The following GRM7 variants were observed in gnomAD, a reference collection of about 807,000 sequenced individuals.
GRM7 encodes the protein glutamate metabotropic receptor 7.
GRM7 carries 35 observed loss-of-function variants against 84.5 expected under a neutral mutation model. The observed-to-expected ratio is 0.41, with a 90% CI of 0.32 to 0.55. The LOEUF (loss-of-function observed/expected upper bound fraction) is 0.55, where lower values mean the gene tolerates loss of function less well. Among genes scored for constraint, GRM7 ranks in the 20% least tolerant of loss-of-function variants. The pLI, the probability that GRM7 is intolerant of heterozygous loss-of-function variation, is 0.19. For synonymous variants in GRM7, 487 were observed against 455.1 expected, an observed-to-expected ratio of 1.07 and a Z score of -0.89; for missense variants, 1,003 against 1,194.6, an observed-to-expected ratio of 0.84 and a Z score of 2.36.
chr3:7,582,874 G>T (rs1294781733), intron 8 of GRM7, among the ~76,000 whole-genome samples: 1 of 152,080 alleles, frequency 6.6e-6, no homozygotes, highest in East Asian at 1.9e-4. Flanking sequence ...CAACAGGTCT[G>T]GAATGCGGCA....
At position 7,383,855 on chromosome 3, in the gene GRM7, G is replaced by A. The variant is rs192075393; in HGVS notation, c.1034-31168G>A. ...TTAACGTTAATGTTTACTTTTTTACGTAGAACTATAATTTTCCTTGTCCCT... is the reference window on the plus strand; with the variant it reads ...TTAACGTTAATGTTTACTTTTTTACATAGAACTATAATTTTCCTTGTCCCT... On this transcript the variant is annotated intron_variant, in intron 4 of 9. Transcript: ENST00000357716. Among the ~76,000 whole-genome samples, 47 of 152,090 alleles carry A rather than the reference G, an allele frequency of 3.1e-4. No individual in the cohort carries two copies. The East Asian group carries it at 7.5e-3, about 24-fold the overall frequency.
chr3:7,143,654 G>A lies in GRM7; in HGVS notation c.520-2798G>A, dbSNP rs143295390. On this transcript the variant is annotated intron_variant, in intron 1 of 9. Coordinates refer to ENST00000357716, the MANE Select transcript of GRM7 (RefSeq NM_000844.4). ...CATGGTGTAGAAAATGCATTGCATT[G>A]GGGCACTTCACAATTCTGATGTTTT... Among the ~76,000 whole-genome samples, 69 of 152,156 alleles carry A rather than the reference G, an allele frequency of 4.5e-4. No individual in the cohort carries two copies. In the East Asian group the frequency reaches 0.011, roughly 24 times the overall value.
At chr3:6,891,045 G>A (rs1198574843) in intron 1 of GRM7, among the ~76,000 whole-genome samples, 1 of 152,116 alleles carries the variant, frequency 6.6e-6, no homozygotes, top group African/African-American at 2.4e-5. Flanking sequence ...TCAGAGGCTA[G>A]GATTGCAACC....
intron 7 of GRM7, among the ~76,000 whole-genome samples, chr3:7,477,638 ATTC>A (rs1000778254): frequency 3.3e-5 from 5 of 152,064 alleles, no homozygotes; most frequent in Non-Finnish European, 5.9e-5. Context: ...GTGCGTCTTT[ATTC>A]TTTTGTTGTT....
chr3:7,590,437 G>A (rs560832169), intron 8 of GRM7, among the ~76,000 whole-genome samples: 111 of 152,092 alleles, frequency 7.3e-4, no homozygotes, highest in African/African-American at 2.5e-3. Context: ...TTGCTACAAA[G>A]ACAGAGTTGA....
intron 8 of GRM7, among the ~76,000 whole-genome samples, chr3:7,667,080 C>A (rs1699731289): frequency 6.6e-6 from 1 of 151,954 alleles, no homozygotes; most frequent in South Asian, 2.1e-4. Flanking sequence ...ATCTGGGCAA[C>A]ACAGCAAGAC....
At chr3:7,032,615 G>A (rs1320599807) in intron 1 of GRM7, among the ~76,000 whole-genome samples, 3 of 152,038 alleles carry the variant, frequency 2.0e-5, no homozygotes, top group Non-Finnish European at 4.4e-5. Context: ...GGGGCTAATA[G>A]ATCTTTAGGA....
At chr3:7,040,313 T>A (rs2124940005) in intron 1 of GRM7, among the ~76,000 whole-genome samples, 1 of 152,176 alleles carries the variant, frequency 6.6e-6, no homozygotes, top group East Asian at 1.9e-4. Context: ...AAACTCTTTT[T>A]TTTTTTGGAG....
At chr3:7,154,442 G>A (rs947012904) in intron 2 of GRM7, among the ~76,000 whole-genome samples, 4 of 152,114 alleles carry the variant, frequency 2.6e-5, no homozygotes, top group Admixed American at 6.6e-5. Flanking sequence ...ATGTCTCAGC[G>A]ATTCCTCCTC....
At chr3:7,431,355 T>C (rs1696822795) in intron 5 of GRM7, among the ~76,000 whole-genome samples, 2 of 152,150 alleles carry the variant, frequency 1.3e-5, no homozygotes, top group South Asian at 4.1e-4. Context: ...AAGTCTTGAA[T>C]AGACAAAACT....
chr3:6,931,071 C>T (rs1453364693), intron 1 of GRM7, among the ~76,000 whole-genome samples: 9 of 152,150 alleles, frequency 5.9e-5, no homozygotes, highest in African/African-American at 2.2e-4. Context: ...TTATATTGTT[C>T]ACTTTATATT....
chr3:7,363,923 T>C (rs536596752), intron 4 of GRM7, among the ~76,000 whole-genome samples: 92 of 152,230 alleles, frequency 6.0e-4, no homozygotes, highest in Admixed American at 1.8e-3. Context: ...ATTTACTGTT[T>C]ACATTCTTTG....
intron 8 of GRM7, among the ~76,000 whole-genome samples, chr3:7,666,362 A>G (rs3933923): frequency 1.3e-5 from 2 of 152,172 alleles, no homozygotes; most frequent in African/African-American, 4.8e-5. Flanking sequence ...TTCAAGAGAG[A>G]CTAGCTAAAA....
At chr3:7,570,394 G>A (rs1694589065) in intron 7 of GRM7, among the ~76,000 whole-genome samples, 1 of 152,206 alleles carries the variant, frequency 6.6e-6, no homozygotes, top group Admixed American at 6.5e-5. Flanking sequence ...ATACAATGGG[G>A]GTACAGGCAT....
intron 8 of GRM7, among the ~76,000 whole-genome samples, chr3:7,649,222 A>T (rs1698813278): frequency 6.6e-6 from 1 of 151,554 alleles, no homozygotes; most frequent in Non-Finnish European, 1.5e-5. Context: ...GGCACCCACT[A>T]CCACGCCCGG....
At chr3:7,730,200 G>T (rs1376750604) in intron 9 of GRM7, among the ~76,000 whole-genome samples, 7 of 151,680 alleles carry the variant, frequency 4.6e-5, no homozygotes, top group Admixed American at 4.6e-4. Flanking sequence ...TAGATACAGG[G>T]TTTCACCATG....
intron 5 of GRM7, among the ~76,000 whole-genome samples, chr3:7,439,663 T>G (rs1317982524): frequency 6.6e-6 from 1 of 152,012 alleles, no homozygotes. Flanking sequence ...AGAAACAAAT[T>G]AGAGAATGCA....
chr3:7,002,085 C>A (rs2133443), intron 1 of GRM7, among the ~76,000 whole-genome samples: 149,651 of 152,336 alleles, frequency 0.98, 73,517 homozygotes, highest in Middle Eastern at 1. Flanking sequence ...ATTTGGAAGA[C>A]TTTCTTATAT....
At chr3:6,911,203 T>G (rs1559323753) in intron 1 of GRM7, among the ~76,000 whole-genome samples, 1 of 152,154 alleles carries the variant, frequency 6.6e-6, no homozygotes, top group Non-Finnish European at 1.5e-5. Context: ...TCAAATAATT[T>G]TTTCTTCATG....
Sources: gnomAD v4.1 joint callset for allele counts (sites outside exome capture counted in the v4.1 genomes callset) on GRCh38, gnomAD v4.1.1 for gene constraint, MANE v1.5 for transcripts, NCBI Gene and HGNC (gene_info 2026-07-23, HGNC 2026-07-21) for gene names.